Variants in ATP9B observed in about 807,000 individuals in gnomAD.
ATP9B encodes ATPase phospholipid transporting 9B.
In ATP9B, 110 loss-of-function variants were observed where a neutral mutation model predicts 146.1. The ratio of observed to expected loss-of-function variants is 0.75; its 90% CI spans 0.65 to 0.88. ATP9B has a LOEUF of 0.88. Ranked by LOEUF, ATP9B falls within the 40% of genes least tolerant of loss-of-function variation. The probability of loss-of-function intolerance (pLI) is 0.00; values close to 1 mark genes in which losing one functional copy is unlikely to be tolerated. For synonymous variants in ATP9B, 604 were observed against 569.7 expected (o/e 1.06, Z -0.86); for missense variants, 1,499 against 1,496.4 (o/e 1.00, Z -0.03).
rs530402352 is a variant in ATP9B, at chr18:79,231,931, C to T, written c.1107+17893C>T. The stretch of plus-strand genomic sequence containing the variant: ...AACTCAAGAATAGAAAAGCAAACAT[C>T]ATCTGTTCTCATAAGTGGGAGCTAA... On this transcript the variant is annotated intron_variant, in intron 11 of 29. Transcript: ENST00000426216. Among the ~76,000 whole-genome samples, 273 of 152,092 alleles carry T rather than the reference C, an allele frequency of 1.8e-3. 2 individuals are homozygous for T. The highest frequency in any genetic ancestry group is 6.3e-3 in the African/African-American group (260 of 41,494).
intron 9 of ATP9B, among the ~76,000 whole-genome samples, chr18:79,197,026 T>A (rs552055754): frequency 6.6e-6 from 1 of 152,346 alleles, no homozygotes; most frequent in East Asian, 1.9e-4. Context: ...TGTTCCCCAG[T>A]AATTTTTATT....
chr18:79,274,474 TGTG>T (rs1329008875), intron 12 of ATP9B, among the ~76,000 whole-genome samples: 4 of 152,202 alleles, frequency 2.6e-5, no homozygotes, highest in Non-Finnish European at 5.9e-5. Context: ...AAATACCCCA[TGTG>T]GTAGTATATG....
chr18:79,076,140 A>G (rs1319622156), intron 1 of ATP9B, among the ~76,000 whole-genome samples: 1 of 152,216 alleles, frequency 6.6e-6, no homozygotes, highest in Non-Finnish European at 1.5e-5. Context: ...TATTTCCCTT[A>G]TATACAATTA....
chr18:79,159,547 C>G (rs930964746), intron 7 of ATP9B, among the ~76,000 whole-genome samples: 1 of 152,168 alleles, frequency 6.6e-6, no homozygotes, highest in Non-Finnish European at 1.5e-5. Context: ...CAGTGTTTCT[C>G]CTGTCTGCCT....
rs1047996686 is a variant in ATP9B, at chr18:79,378,086, G to C, written c.*703G>C. 6.6e-6 allele frequency: 1 copy of C among 152,318 alleles called. No homozygotes were observed. The allele number at this position is 152,318 out of a possible 1,614,324, so 9.4% of individuals were successfully genotyped here. A position where few individuals can be genotyped will look rare whatever the true frequency, so the allele number is the denominator to read the frequency against. On this transcript the variant is annotated 3_prime_UTR_variant, in exon 30 of 30. Coordinates refer to ENST00000426216, the MANE Select transcript of ATP9B (RefSeq NM_198531.5). ...TCCCTCATATTCAGATTCTTTCTTT[G>C]ATGTTATAACACAAAGTCATTCCTA...
intron 8 of ATP9B, among the ~76,000 whole-genome samples, chr18:79,180,505 G>T: frequency 6.6e-6 from 1 of 151,888 alleles, no homozygotes; most frequent in Non-Finnish European, 1.5e-5. Flanking sequence ...CATGTCAGCT[G>T]TCGTACTTCT....
intron 9 of ATP9B, among the ~76,000 whole-genome samples, chr18:79,199,360 A>G (rs1190669677): frequency 6.6e-6 from 1 of 152,264 alleles, no homozygotes; most frequent in Non-Finnish European, 1.5e-5. Flanking sequence ...CACTTAGCTT[A>G]AAACACAAAC....
intron 5 of ATP9B, among the ~76,000 whole-genome samples, chr18:79,132,024 G>C (rs1415765465): frequency 6.6e-6 from 1 of 152,192 alleles, no homozygotes; most frequent in East Asian, 1.9e-4. Context: ...AAAGTGTTTT[G>C]GGACTTGATA....
chr18:79,118,384 G>GTTTTTTTT lies in ATP9B; in HGVS notation c.558+5035_558+5036insTTTTTTTT, dbSNP rs1304879263. ...ATTTTAAAACACAATCATATTGAAC[G>GTTTTTTTT]TTTTTGTTTTTTTTTTTTTTTTTTT... On this transcript the variant is annotated intron_variant, in intron 4 of 29. Transcript: ENST00000426216. 2.1e-3 allele frequency among the ~76,000 whole-genome samples: 151 copies of GTTTTTTTT among 73,464 alleles called. 22 individuals carry two copies. Among genetic ancestry groups the GTTTTTTTT allele is most frequent in the African/African-American group, 6.9e-3 (129 of 18,666 alleles). 48.2% of individuals were successfully genotyped at this position (73,464 alleles called of 152,430 possible).
At chr18:79,222,634 T>C (rs1046246464) in intron 11 of ATP9B, among the ~76,000 whole-genome samples, 4 of 152,168 alleles carry the variant, frequency 2.6e-5, no homozygotes, top group African/African-American at 9.7e-5. Context: ...TAGAGGAAAA[T>C]TCTGAGATTA....
chr18:79,119,119 T>C (rs2094145241), intron 4 of ATP9B, among the ~76,000 whole-genome samples: 2 of 151,626 alleles, frequency 1.3e-5, no homozygotes, highest in Admixed American at 6.6e-5. Flanking sequence ...TGTTTTAACT[T>C]AAACAATGAT....
chr18:79,203,691 A>G (rs1450464123), intron 9 of ATP9B, among the ~76,000 whole-genome samples: 2 of 152,220 alleles, frequency 1.3e-5, no homozygotes, highest in Non-Finnish European at 2.9e-5. Flanking sequence ...TATTGCTTCA[A>G]GTTTTAAAAT....
intron 19 of ATP9B, among the ~76,000 whole-genome samples, chr18:79,341,629 C>T (rs1439417127): frequency 1.4e-5 from 2 of 138,564 alleles, no homozygotes; most frequent in African/African-American, 2.8e-5. Context: ...ATGTGTGTAG[C>T]GTGACCTGTT....
chr18:79,345,668 G>T (rs1383631123), intron 22 of ATP9B, 96 bp downstream of exon 22: 12 of 1,599,204 alleles, frequency 7.5e-6, no homozygotes, highest in Non-Finnish European at 1.0e-5. Context: ...AAACTAGATT[G>T]ATTTCATCTC....
At chr18:79,321,331 A>C (rs1330542318) in intron 15 of ATP9B, among the ~76,000 whole-genome samples, 2 of 152,200 alleles carry the variant, frequency 1.3e-5, no homozygotes, top group East Asian at 1.9e-4. Context: ...AGATGCTAAA[A>C]GTACTGCATG....
intron 15 of ATP9B, among the ~76,000 whole-genome samples, chr18:79,314,636 T>C (rs1314953342): frequency 3.9e-5 from 6 of 152,208 alleles, no homozygotes; most frequent in Admixed American, 2.0e-4. Context: ...CCGGTCATTG[T>C]TTCTTATGAT....
chr18:79,357,175 A>G (rs1405897003), intron 25 of ATP9B, among the ~76,000 whole-genome samples: 1 of 20,994 alleles, frequency 4.8e-5, no homozygotes, highest in Non-Finnish European at 9.1e-5. Flanking sequence ...CTGGGTCTGG[A>G]GGTGTCTGTG....
At chr18:79,156,682 A>G (rs1364615725) in intron 7 of ATP9B, among the ~76,000 whole-genome samples, 3 of 152,186 alleles carry the variant, frequency 2.0e-5, no homozygotes, top group African/African-American at 4.8e-5. Flanking sequence ...TGCAAGTGGC[A>G]TTATTTGCTT....
intron 12 of ATP9B, among the ~76,000 whole-genome samples, chr18:79,259,970 AT>A (rs1362369320): frequency 6.6e-6 from 1 of 152,118 alleles, no homozygotes; most frequent in Non-Finnish European, 1.5e-5. Flanking sequence ...GATTTGGAAA[AT>A]TTGGAGCCTA....
Sources: allele counts gnomAD v4.1 joint callset (sites outside exome capture counted in the v4.1 genomes callset), GRCh38; gene constraint gnomAD v4.1.1; transcripts MANE v1.5; gene names NCBI Gene and HGNC (gene_info 2026-07-23, HGNC 2026-07-21).